Variants in MSRB3 observed in about 807,000 individuals in gnomAD.
MSRB3 encodes the protein methionine-R-sulfoxide reductase B3.
A neutral mutation model predicts 21.0 loss-of-function variants in MSRB3; 13 were observed. The ratio of observed to expected loss-of-function variants is 0.62; its 90% CI spans 0.40 to 0.98. The LOEUF (loss-of-function observed/expected upper bound fraction) is 0.98. MSRB3 is among the 50% of genes least tolerant of loss of function. The pLI is 0.00. For synonymous variants in MSRB3, 87 were observed against 88.6 expected (o/e 0.98, Z 0.10); for missense variants, 199 against 230.3 (o/e 0.86, Z 0.88).
At chr12:65,418,138 C>T (rs1203428299) in intron 5 of MSRB3, among the ~76,000 whole-genome samples, 1 of 152,112 alleles carries the variant, frequency 6.6e-6, no homozygotes, top group Non-Finnish European at 1.5e-5. Flanking sequence ...GAGTTTTGCT[C>T]TTGTCACCCA....
At position 65,463,646 on chromosome 12, in the gene MSRB3, T is replaced by G. The variant is rs1883432769; in HGVS notation, c.*324T>G. 2.9e-6 allele frequency: 1 copy of G among 348,084 alleles called. No individual in the cohort carries two copies. The highest frequency in any genetic ancestry group is 5.4e-6 in the Non-Finnish European group (1 of 184,206). The allele number at this position is 348,084 out of a possible 1,614,324, so 21.6% of individuals were successfully genotyped here. A position where few individuals can be genotyped will look rare whatever the true frequency, so the allele number is the denominator to read the frequency against. On this transcript the variant is annotated 3_prime_UTR_variant, in exon 7 of 7. Coordinates refer to ENST00000308259, the MANE Select transcript of MSRB3 (RefSeq NM_001031679.3). Reference sequence around the variant, plus strand: ...CCCCTTTGATTCAGAAGCAGAGGGTTCATGGTCTTCAAACATGAAAATAGA... The same window carrying G: ...CCCCTTTGATTCAGAAGCAGAGGGTGCATGGTCTTCAAACATGAAAATAGA...
intron 1 of MSRB3, among the ~76,000 whole-genome samples, chr12:65,292,006 G>T (rs1366637590): frequency 2.0e-5 from 3 of 152,210 alleles, no homozygotes; most frequent in Non-Finnish European, 4.4e-5. Flanking sequence ...GATAGGAATT[G>T]ATAATGGTTT....
intron 5 of MSRB3, among the ~76,000 whole-genome samples, chr12:65,428,518 C>G (rs1360676117): frequency 6.6e-6 from 1 of 152,124 alleles, no homozygotes; most frequent in East Asian, 1.9e-4. Context: ...CTCTAATGGA[C>G]TGGGCATTGA....
At chr12:65,321,501 A>T (rs1183672407) in intron 2 of MSRB3, among the ~76,000 whole-genome samples, 1 of 152,126 alleles carries the variant, frequency 6.6e-6, no homozygotes, top group African/African-American at 2.4e-5. Context: ...CTTAGACTGT[A>T]TGTTAATCTC....
At chr12:65,320,020 A>G (rs1323791459) in intron 2 of MSRB3, among the ~76,000 whole-genome samples, 2 of 152,188 alleles carry the variant, frequency 1.3e-5, no homozygotes, top group African/African-American at 4.8e-5. Context: ...GGTCTTGTTT[A>G]ATTCAAGAAG....
In MSRB3 at chr12:65,354,122, T is replaced by A. The variant is rs1461215758; in HGVS notation, c.264-14876T>A. Among the ~76,000 whole-genome samples the A allele has an allele frequency of 5.9e-5, 9 of 152,146 alleles. No homozygotes were observed. The East Asian group carries it at 1.2e-3, about 20-fold the overall frequency. On this transcript the variant is annotated intron_variant, in intron 4 of 6. Coordinates refer to ENST00000308259, the MANE Select transcript of MSRB3 (RefSeq NM_001031679.3). ...TGTTAGTCTGATGGGCTTCCCTTTG[T>A]GGGTAACCCGACCTTTCTCTCTGGC...
At chr12:65,376,883 A>G (rs1878654490) in intron 5 of MSRB3, among the ~76,000 whole-genome samples, 1 of 152,196 alleles carries the variant, frequency 6.6e-6, no homozygotes. Context: ...ATTATTCCAA[A>G]CTCATATGTG....
chr12:65,361,706 A>G (rs1056669294), intron 4 of MSRB3, among the ~76,000 whole-genome samples: 1 of 152,148 alleles, frequency 6.6e-6, no homozygotes, highest in Non-Finnish European at 1.5e-5. Context: ...ATTTAGTGAT[A>G]TATCTTAACC....
intron 2 of MSRB3, among the ~76,000 whole-genome samples, chr12:65,324,125 C>T (rs181721042): frequency 1.1e-4 from 16 of 152,210 alleles, no homozygotes; most frequent in African/African-American, 3.9e-4. Context: ...AGTTAGGAAA[C>T]AATATTTATA....
intron 4 of MSRB3, among the ~76,000 whole-genome samples, chr12:65,352,617 C>G (rs972084845): frequency 6.6e-6 from 1 of 151,990 alleles, no homozygotes; most frequent in South Asian, 2.1e-4. Context: ...TCAGCAAAGT[C>G]TCAGGATACA....
At chr12:65,337,430 CAAAAAAA>C (rs780302211) in intron 4 of MSRB3, among the ~76,000 whole-genome samples, 5 of 43,572 alleles carry the variant, frequency 1.1e-4, no homozygotes, top group Non-Finnish European at 1.6e-4. Context: ...GAGACTACAT[CAAAAAAA>C]AAAAAAAAAA....
chr12:65,306,049 C>G (rs1873634622), intron 1 of MSRB3, among the ~76,000 whole-genome samples: 1 of 151,978 alleles, frequency 6.6e-6, no homozygotes, highest in Non-Finnish European at 1.5e-5. Flanking sequence ...AACTGAGGCC[C>G]CGAGAGGGTA....
chr12:65,373,248 T>C (rs2136541957), intron 5 of MSRB3, among the ~76,000 whole-genome samples: 1 of 152,276 alleles, frequency 6.6e-6, no homozygotes, highest in South Asian at 2.1e-4. Context: ...GGTATAAGGA[T>C]ATAGGTGGAA....
chr12:65,283,667 A>T (rs770363228), intron 1 of MSRB3: 1 of 152,250 alleles, frequency 6.6e-6, no homozygotes, highest in Admixed American at 6.5e-5. Flanking sequence ...TCCTGACCTC[A>T]AGTGATCTGC....
At chr12:65,421,545 A>G (rs895077628) in intron 5 of MSRB3, among the ~76,000 whole-genome samples, 3 of 152,212 alleles carry the variant, frequency 2.0e-5, no homozygotes, top group Admixed American at 6.5e-5. Flanking sequence ...GGCAGTTTCT[A>G]TGTCCAGAAT....
intron 4 of MSRB3, among the ~76,000 whole-genome samples, chr12:65,356,073 G>C (rs910581479): frequency 1.3e-5 from 2 of 151,778 alleles, no homozygotes; most frequent in Non-Finnish European, 2.9e-5. Context: ...TTGAAGGAAG[G>C]GTTCTTGATA....
intron 5 of MSRB3, among the ~76,000 whole-genome samples, chr12:65,416,916 T>G (rs903038174): frequency 6.6e-6 from 1 of 152,164 alleles, no homozygotes; most frequent in African/African-American, 2.4e-5. Context: ...TTGGCCCTGC[T>G]TGGGTTTCAG....
At chr12:65,318,832 C>T (rs537827466) in intron 2 of MSRB3, among the ~76,000 whole-genome samples, 83 of 152,248 alleles carry the variant, frequency 5.5e-4, no homozygotes, top group Non-Finnish European at 1.0e-4. Flanking sequence ...ATAAGATACT[C>T]TTTAGTTTTT....
At chr12:65,394,658 A>G (rs1007545005) in intron 5 of MSRB3, among the ~76,000 whole-genome samples, 7 of 152,352 alleles carry the variant, frequency 4.6e-5, no homozygotes, top group Admixed American at 1.3e-4. Context: ...CTGTAGGTCA[A>G]TGTCTTTTAT....
Sources: gnomAD v4.1 joint callset for allele counts (sites outside exome capture counted in the v4.1 genomes callset) on GRCh38, gnomAD v4.1.1 for gene constraint, MANE v1.5 for transcripts, NCBI Gene and HGNC (gene_info 2026-07-23, HGNC 2026-07-21) for gene names.